ENOX2: variants seen among roughly 807,000 people sequenced by gnomAD.
ENOX2 encodes APK1 antigen.
ENOX2 carries 36 observed loss-of-function variants against 45.0 expected under a neutral mutation model. The observed-to-expected ratio is 0.80, with a 90% CI of 0.61 to 1.06. The LOEUF (loss-of-function observed/expected upper bound fraction) is 1.06, where lower values mean the gene tolerates loss of function less well. ENOX2 is among the 50% of genes least tolerant of loss of function. The pLI is 0.00. For synonymous variants in ENOX2, 174 were observed against 152.3 expected, an observed-to-expected ratio of 1.14 and a Z score of -1.05; for missense variants, 423 against 462.5, an observed-to-expected ratio of 0.91 and a Z score of 0.78.
chrX:130,863,946 G>C (rs112222399), intron 2 of ENOX2, among the ~76,000 whole-genome samples: 4 of 110,598 alleles, frequency 3.6e-5, no homozygotes, highest in African/African-American at 1.3e-4. Flanking sequence ...TTTAAGTGGA[G>C]TTGTTAATGT....
At position 130,727,754 on chromosome X, in the gene ENOX2, G is replaced by A. The variant is rs1173882967; in HGVS notation, c.-38-24500C>T. Among the ~76,000 whole-genome samples, 16 of 111,934 alleles carry A rather than the reference G, an allele frequency of 1.4e-4. No individual in the cohort carries two copies. In the Admixed American group the frequency reaches 1.5e-3, roughly 11 times the overall value. ...TGGGGCTGGTGTTGAGCAGGATGTA[G>A]TTAGAGGTGATAAAAGACAATGAGG... On this transcript the variant is annotated intron_variant, in intron 3 of 14. Transcript: ENST00000394363.
intron 2 of ENOX2, among the ~76,000 whole-genome samples, chrX:130,882,202 C>T (rs2078827147): frequency 1.8e-5 from 2 of 109,872 alleles, no homozygotes; most frequent in Admixed American, 9.8e-5. Flanking sequence ...TTGGGGTGTA[C>T]TTATGACCCA....
chrX:130,680,558 C>A (rs1225957866), intron 5 of ENOX2, among the ~76,000 whole-genome samples: 1 of 112,158 alleles, frequency 8.9e-6, no homozygotes, highest in African/African-American at 3.2e-5. Context: ...AAACATAAAG[C>A]CTGTTCTATC....
At chrX:130,749,773 T>G (rs1417118693) in intron 3 of ENOX2, among the ~76,000 whole-genome samples, 1 of 110,172 alleles carries the variant, frequency 9.1e-6, no homozygotes, top group Non-Finnish European at 1.9e-5. Context: ...AGAGGGCACC[T>G]CTCCATTTAT....
At chrX:130,766,625 A>G (rs1177158598) in intron 3 of ENOX2, among the ~76,000 whole-genome samples, 1 of 111,116 alleles carries the variant, frequency 9.0e-6, no homozygotes, top group Non-Finnish European at 1.9e-5. Context: ...ATATGGTGGG[A>G]GGCAGGTTTT....
At chrX:130,726,654 C>T (rs1167838969) in intron 3 of ENOX2, among the ~76,000 whole-genome samples, 1 of 112,354 alleles carries the variant, frequency 8.9e-6, no homozygotes. Context: ...ATTAGAAAAA[C>T]ATGCTCTTTT....
At chrX:130,825,970 T>C (rs1313457571) in intron 2 of ENOX2, among the ~76,000 whole-genome samples, 1 of 111,191 alleles carries the variant, frequency 9.0e-6, no homozygotes, top group Non-Finnish European at 1.9e-5. Flanking sequence ...CTGTACCTAA[T>C]TTATATATTA....
At chrX:130,791,484 G>C (rs1034399319) in intron 2 of ENOX2, among the ~76,000 whole-genome samples, 1 of 112,062 alleles carries the variant, frequency 8.9e-6, no homozygotes, top group African/African-American at 3.2e-5. Context: ...ATGTAAAAGT[G>C]ATAGACATTC....
At chrX:130,831,736 C>T (rs1422393426) in intron 2 of ENOX2, among the ~76,000 whole-genome samples, 2 of 111,756 alleles carry the variant, frequency 1.8e-5, no homozygotes, top group African/African-American at 6.5e-5. Flanking sequence ...GTATTTTATG[C>T]ATATATTTAT....
intron 6 of ENOX2, among the ~76,000 whole-genome samples, chrX:130,674,434 T>C (rs1443110238): frequency 9.4e-6 from 1 of 106,801 alleles, no homozygotes; most frequent in Non-Finnish European, 1.9e-5. Flanking sequence ...ATATGCCTAA[T>C]TGGAGCACCA....
At chrX:130,875,063 T>C (rs1457930169) in intron 2 of ENOX2, among the ~76,000 whole-genome samples, 3 of 111,706 alleles carry the variant, frequency 2.7e-5, no homozygotes, top group African/African-American at 3.3e-5. Flanking sequence ...ATTTATACCA[T>C]GGAGATTCTG....
chrX:130,743,626 C>T (rs770658662), intron 3 of ENOX2, among the ~76,000 whole-genome samples: 27 of 110,140 alleles, frequency 2.5e-4, no homozygotes, highest in African/African-American at 7.3e-4. Flanking sequence ...CATCTGCCAC[C>T]ACACCTGGCT....
chrX:130,894,677 G>A (rs1200750622), intron 2 of ENOX2, among the ~76,000 whole-genome samples: 1 of 110,930 alleles, frequency 9.0e-6, no homozygotes, highest in Non-Finnish European at 1.9e-5. Flanking sequence ...TTAAAACCCT[G>A]TGTTCACTCA....
At chrX:130,652,322 T>C (rs889478772) in intron 10 of ENOX2, among the ~76,000 whole-genome samples, 1 of 112,196 alleles carries the variant, frequency 8.9e-6, no homozygotes, top group Non-Finnish European at 1.9e-5. Flanking sequence ...TCCTCTTTCT[T>C]TCCTTCTCCC....
intron 2 of ENOX2, among the ~76,000 whole-genome samples, chrX:130,823,357 C>T (rs763606196): frequency 3.6e-5 from 4 of 110,948 alleles, no homozygotes; most frequent in East Asian, 5.6e-4. Flanking sequence ...GATAAGGATT[C>T]GAGCCGAGAA....
At chrX:130,745,970 G>A (rs1159840357) in intron 3 of ENOX2, among the ~76,000 whole-genome samples, 4 of 112,066 alleles carry the variant, frequency 3.6e-5, no homozygotes, top group African/African-American at 9.7e-5. Flanking sequence ...ACTAAATACT[G>A]CCAGAAAATA....
rs774142860 is a variant in ENOX2 at position 130,677,877 on chromosome X, A to G, written c.460+1665T>C. 4.5e-5 allele frequency among the ~76,000 whole-genome samples: 5 copies of G among 111,150 alleles called. No homozygotes were observed. In the Admixed American group the frequency reaches 4.8e-4, roughly 11 times the overall value. On this transcript the variant is annotated intron_variant, in intron 6 of 14. Transcript: ENST00000394363. ...CGAGGTGGGTGGATCACCTGAGGTC[A>G]GGAGTTCGAGACCAGCCTGGCCAAC...
rs57270865 is a variant in ENOX2 at position 130,671,809 on chromosome X, C to G, written c.461-1611G>C. 4.5e-3 allele frequency among the ~76,000 whole-genome samples: 502 copies of G among 111,601 alleles called. 5 individuals are homozygous for G. The highest frequency in any genetic ancestry group is 0.016 in the African/African-American group (485 of 30,704). ...GTCTTGCTGAACAAAGCTTAAGAAG[C>G]AAGACCTAAAAGGACCAAAATTTTC... On this transcript the variant is annotated intron_variant, in intron 6 of 14. Transcript: ENST00000394363.
chrX:130,818,521 A>G (rs2077531739), intron 2 of ENOX2, among the ~76,000 whole-genome samples: 1 of 111,962 alleles, frequency 8.9e-6, no homozygotes, highest in Non-Finnish European at 1.9e-5. Flanking sequence ...ACGGTAACCA[A>G]AACAGCATGG....
Sources: allele counts gnomAD v4.1 joint callset (sites outside exome capture counted in the v4.1 genomes callset), GRCh38; gene constraint gnomAD v4.1.1; transcripts MANE v1.5; gene names NCBI Gene and HGNC (gene_info 2026-07-23, HGNC 2026-07-21).